Variants in C22orf23 observed in about 807,000 individuals in gnomAD.
C22orf23 encodes UPF0193 protein EVG1.
Under a neutral mutation model 29.7 loss-of-function variants are expected in C22orf23, and 30 were observed. The ratio of observed to expected loss-of-function variants is 1.01; its 90% CI spans 0.76 to 1.37. The LOEUF is 1.37. C22orf23 is among the 40% of genes most tolerant of loss of function. C22orf23 has a pLI of 0.00. For missense variants in C22orf23, 237 were observed against 273.1 expected (o/e 0.87, Z 0.93); for synonymous variants, 90 against 96.1 (o/e 0.94, Z 0.37).
intron 3 of C22orf23, among the ~76,000 whole-genome samples, chr22:37,948,983 G>A (rs2145702755): frequency 6.6e-6 from 1 of 152,178 alleles, no homozygotes; most frequent in Admixed American, 6.5e-5. Context: ...AGAAATTTAG[G>A]TTATTTCTAG....
Position 37,953,085 on chromosome 22 carries a change from G to A in C22orf23, c.65C>T (p.Thr22Ile). 1 of 1,613,924 alleles carries A rather than the reference G, an allele frequency of 6.2e-7. No homozygotes were observed. The highest frequency in any genetic ancestry group is 8.5e-7 in the Non-Finnish European group (1 of 1,179,942). The change falls in exon 2 of 7, where the codon ACC becomes ATC. Residue 22 changes from threonine to isoleucine, a missense_variant. By Grantham distance (89) the Thr-to-Ile change is moderately conservative (BLOSUM62 -1). Coordinates refer to ENST00000403305, the MANE Select transcript of C22orf23 (RefSeq NM_032561.5). ...GCAGGTCCCCGGGGTGTAAGTGATG[G>A]TCTTGGGGCGGCGCCGGAACCCAGT... The part of the protein sequence containing the change: ...KGTGFRRRPK[T>I]ITYTPGTCEL...
rs1930540053 is a variant in C22orf23 at position 37,943,989 on chromosome 22, C to T, written c.*186G>A. ...ACGGGGCTGTGAGTCTCAGAGGCTC[C>T]ATCTGCATTCCGGGGCAGGGGCTAG... On this transcript the variant is annotated 3_prime_UTR_variant, in exon 7 of 7. Coordinates refer to ENST00000403305, the MANE Select transcript of C22orf23 (RefSeq NM_032561.5). The T allele has an allele frequency of 3.2e-6, 2 of 630,762 alleles. No homozygotes were observed. The highest frequency in any genetic ancestry group is 5.5e-5 in the East Asian group (2 of 36,514). The allele number at this position is 630,762 out of a possible 1,614,324, so 39.1% of individuals were successfully genotyped here.
chr22:37,944,038 C>T lies in C22orf23; in HGVS notation c.*137G>A, dbSNP rs952709445. ...AGGCTGCTGAGTATGCCTTGGGGTACTGCAGGGCAGTGCTATGCCACCACC... is the reference window on the plus strand; with the variant it reads ...AGGCTGCTGAGTATGCCTTGGGGTATTGCAGGGCAGTGCTATGCCACCACC... On this transcript the variant is annotated 3_prime_UTR_variant, in exon 7 of 7. Coordinates refer to ENST00000403305, the MANE Select transcript of C22orf23 (RefSeq NM_032561.5). The T allele has an allele frequency of 2.5e-6, 2 of 796,488 alleles. No individual in the cohort carries two copies. Among genetic ancestry groups the T allele is most frequent in the Non-Finnish European group, 4.4e-6 (2 of 458,022 alleles). 49.3% of individuals were successfully genotyped at this position (796,488 alleles called of 1,614,324 possible).
rs1226811386 is a variant in C22orf23, at chr22:37,947,270, C to A, written c.349+11G>T. 2 of 1,613,860 alleles carry A rather than the reference C, an allele frequency of 1.2e-6. No individual in the cohort carries two copies. Among genetic ancestry groups the A allele is most frequent in the Non-Finnish European group, 1.7e-6 (2 of 1,179,900 alleles). ...AGATGGAGAAAGGCCCTAGCTGAGA[C>A]CCTCACTTACTGGTGGCTTGAGGCT... On this transcript the variant is annotated intron_variant, in intron 4 of 6. Coordinates refer to ENST00000403305, the MANE Select transcript of C22orf23 (RefSeq NM_032561.5).
At position 37,944,439 on chromosome 22, in the gene C22orf23, A is replaced by T; in HGVS notation, c.560T>A (p.Ile187Asn). 6.2e-7 allele frequency: 1 copy of T among 1,614,146 alleles called. No homozygotes were observed. Among genetic ancestry groups the T allele is most frequent in the Non-Finnish European group, 8.5e-7 (1 of 1,180,036 alleles). ...ALGQGKQYRG[I>N]ILAEISQKLR... ...TACCTGGGAGATTTCAGCAAGGATG[A>T]TTCCTCGGTACTGTTTGCCCTGTCC... The change falls in exon 6 of 7, where the codon ATC becomes AAC. Residue 187 changes from isoleucine (I) to asparagine (N), a missense_variant. By Grantham distance (149) the Ile-to-Asn change is moderately radical. Coordinates refer to ENST00000403305, the MANE Select transcript of C22orf23 (RefSeq NM_032561.5).
chr22:37,944,599 A>G lies in C22orf23; in HGVS notation c.482-82T>C, dbSNP rs1163290605. On this transcript the variant is annotated intron_variant, in intron 5 of 6. Coordinates refer to ENST00000403305, the MANE Select transcript of C22orf23 (RefSeq NM_032561.5). ...TCTCTTGAGGAGAGGAAGTGGTTCT[A>G]TTGTCAAATAGTGTTTCTAGGCCGG... 7 of 1,245,802 alleles carry G rather than the reference A, an allele frequency of 5.6e-6. No homozygotes were observed. In the East Asian group the frequency reaches 1.4e-4, roughly 25 times the overall value. The allele number at this position is 1,245,802 out of a possible 1,614,324, so 77.2% of individuals were successfully genotyped here.
At position 37,947,466 on chromosome 22, in the gene C22orf23, G is replaced by A. The variant is rs766190277; in HGVS notation, c.167-3C>T. The A allele has an allele frequency of 3.2e-5, 49 of 1,535,966 alleles. No individual in the cohort carries two copies. Among genetic ancestry groups the A allele is most frequent in the Non-Finnish European group, 4.2e-5 (48 of 1,142,476 alleles). On this transcript the variant is annotated splice_polypyrimidine_tract_variant and splice_region_variant and intron_variant, in intron 3 of 6. Transcript: ENST00000403305. ...CTGTAGGGGCAAAGCATCTCCTCCT[G>A]GGGAACGAAGAGTTGGGGTGGGAGG...
At position 37,944,957 on chromosome 22, in the gene C22orf23, G is replaced by A. The variant is rs1930606675; in HGVS notation, c.481+85C>T. ...TCACTTGTTGGCCCTTGGCCCTCAG[G>A]GATCCCCTGACTGCTCCATCCAATT... On this transcript the variant is annotated intron_variant, in intron 5 of 6. Transcript: ENST00000403305. The A allele has an allele frequency of 1.6e-5, 23 of 1,403,098 alleles. No individual in the cohort carries two copies. The South Asian group carries it at 2.3e-4, about 14-fold the overall frequency. 86.9% of individuals were successfully genotyped at this position (1,403,098 alleles called of 1,614,324 possible).
chr22:37,951,265 G>A (rs1232958109), intron 3 of C22orf23, 195 bp downstream of exon 3: 8 of 521,612 alleles, frequency 1.5e-5, no homozygotes, highest in Non-Finnish European at 2.4e-5. Flanking sequence ...GGCGTTGCCC[G>A]GGCTGGTCTT....
At chr22:37,949,615 C>T (rs1356381210) in intron 3 of C22orf23, among the ~76,000 whole-genome samples, 1 of 151,652 alleles carries the variant, frequency 6.6e-6, no homozygotes, top group Non-Finnish European at 1.5e-5. Context: ...CGGGTCACCA[C>T]ACCTGGCTAA....
chr22:37,944,029 C>A lies in C22orf23; in HGVS notation c.*146G>T. The A allele has an allele frequency of 2.7e-6, 2 of 748,510 alleles. No homozygotes were observed. The highest frequency in any genetic ancestry group is 4.7e-6 in the Non-Finnish European group (2 of 422,138). 46.4% of individuals were successfully genotyped at this position (748,510 alleles called of 1,614,324 possible). Reference sequence around the variant, plus strand: ...GCAGGGGCTAGGCTGCTGAGTATGCCTTGGGGTACTGCAGGGCAGTGCTAT... The same window carrying A: ...GCAGGGGCTAGGCTGCTGAGTATGCATTGGGGTACTGCAGGGCAGTGCTAT... On this transcript the variant is annotated 3_prime_UTR_variant, in exon 7 of 7. Coordinates refer to ENST00000403305, the MANE Select transcript of C22orf23 (RefSeq NM_032561.5).
At chr22:37,945,307 C>A in intron 4 of C22orf23, 134 bp from the exon 5 acceptor site, 2 of 1,029,658 alleles carry the variant, frequency 1.9e-6, no homozygotes, top group Non-Finnish European at 2.8e-6. Context: ...CTGCTGCTAC[C>A]CTGGGTTCTC....
At chr22:37,946,032 GC>G (rs1031709393) in intron 4 of C22orf23, among the ~76,000 whole-genome samples, 167 of 152,044 alleles carry the variant, frequency 1.1e-3, no homozygotes, top group African/African-American at 3.9e-3. Flanking sequence ...GCCGAGGTGG[GC>G]GGATCACGAG....
chr22:37,946,258 CAA>C (rs770526364), intron 4 of C22orf23, among the ~76,000 whole-genome samples: 2 of 128,860 alleles, frequency 1.6e-5, no homozygotes, highest in East Asian at 2.3e-4. Context: ...GACTCAGTCT[CAA>C]AAAAAAAAAA....
At chr22:37,953,206 A>G (rs1011669557) in intron 1 of C22orf23, 48 bp from the exon 2 acceptor site, 2 of 1,335,344 alleles carry the variant, frequency 1.5e-6, no homozygotes, top group African/African-American at 1.5e-5. Flanking sequence ...CCTGTCCCTA[A>G]TCTCTGTTCC....
chr22:37,943,241 A>G lies in C22orf23; in HGVS notation c.*934T>C, dbSNP rs1356033655. 1 of 152,242 alleles carries G rather than the reference A, an allele frequency of 6.6e-6. No individual in the cohort carries two copies. The highest frequency in any genetic ancestry group is 1.9e-4 in the East Asian group (1 of 5,174). 9.4% of individuals were successfully genotyped at this position (152,242 alleles called of 1,614,324 possible). A position where few individuals can be genotyped will look rare whatever the true frequency, so the allele number is the denominator to read the frequency against. Reference sequence around the variant, plus strand: ...GGAGGGGGACAGATGTGCTGTGTACAGGACAAGGTGTCAGGTGACTCCTTC... The same window carrying G: ...GGAGGGGGACAGATGTGCTGTGTACGGGACAAGGTGTCAGGTGACTCCTTC... On this transcript the variant is annotated 3_prime_UTR_variant, in exon 7 of 7. Transcript: ENST00000403305.
At chr22:37,949,192 C>A (rs1039986314) in intron 3 of C22orf23, among the ~76,000 whole-genome samples, 5 of 152,064 alleles carry the variant, frequency 3.3e-5, no homozygotes, top group Admixed American at 3.3e-4. Flanking sequence ...TGGGGCTTCT[C>A]CCCCAGGCGA....
chr22:37,952,550 C>A (rs1480266235), intron 2 of C22orf23: 1 of 150,020 alleles, frequency 6.7e-6, no homozygotes, highest in Non-Finnish European at 1.5e-5. Flanking sequence ...CCCCGCCCCG[C>A]CCCCGAATAA....
chr22:37,946,102 CA>C lies in C22orf23; in HGVS notation c.350-930del, dbSNP rs541085382. On this transcript the variant is annotated intron_variant, in intron 4 of 6. Transcript: ENST00000403305. ...TGAGACCCCACCTCTACTAAAAATACAAAAAAATTAGCCCGGCGTGATGGCA... is the reference window on the plus strand; with the variant it reads ...TGAGACCCCACCTCTACTAAAAATACAAAAAATTAGCCCGGCGTGATGGCA... Among the ~76,000 whole-genome samples, 693 of 151,754 alleles carry C rather than the reference CA, an allele frequency of 4.6e-3. 5 individuals carry two copies. The highest frequency in any genetic ancestry group is 0.016 in the Admixed American group (248 of 15,214).
Sources: gnomAD v4.1 joint callset for allele counts (sites outside exome capture counted in the v4.1 genomes callset) on GRCh38, gnomAD v4.1.1 for gene constraint, MANE v1.5 for transcripts, NCBI Gene and HGNC (gene_info 2026-07-23, HGNC 2026-07-21) for gene names.